Variants in USH1C observed in about 807,000 individuals in gnomAD.
USH1C encodes the protein harmonin.
Under a neutral mutation model 119.3 loss-of-function variants are expected in USH1C, and 90 were observed. That is an observed-to-expected ratio of 0.75 (90% confidence interval 0.64 to 0.90). The LOEUF (loss-of-function observed/expected upper bound fraction) is 0.90. Among genes scored for constraint, USH1C ranks in the 40% least tolerant of loss-of-function variants. The pLI is 0.00. For synonymous variants in USH1C, 465 were observed against 443.3 expected, an observed-to-expected ratio of 1.05 and a Z score of -0.62; for missense variants, 1,165 against 1,167.7, an observed-to-expected ratio of 1.00 and a Z score of 0.03.
At chr11:17,533,756 A>G in intron 1 of USH1C, 1 of 461,086 alleles carries the variant, frequency 2.2e-6, no homozygotes. Context: ...TGCTTTCAGG[A>G]AGGATTTGGG....
At chr11:17,514,282 A>C (rs1440050569) in intron 15 of USH1C, among the ~76,000 whole-genome samples, 3 of 152,190 alleles carry the variant, frequency 2.0e-5, no homozygotes, top group Non-Finnish European at 2.9e-5. Context: ...GCAGTGGTGC[A>C]ATCTCGGCTC....
intron 14 of USH1C, among the ~76,000 whole-genome samples, chr11:17,519,182 G>C (rs1850301893): frequency 6.6e-6 from 1 of 152,224 alleles, no homozygotes; most frequent in South Asian, 2.1e-4. Flanking sequence ...CTAGACCCCG[G>C]GGAACAGGGA....
At chr11:17,499,126 C>G (rs1591958032) in intron 23 of USH1C, among the ~76,000 whole-genome samples, 1 of 152,228 alleles carries the variant, frequency 6.6e-6, no homozygotes, top group African/African-American at 2.4e-5. Flanking sequence ...AAGAGGTAGA[C>G]AGATTGTGCG....
Position 17,516,272 on chromosome 11 carries a change from C to A in USH1C, c.1229G>T (p.Arg410Leu). The change falls in exon 15 of 27, where the codon CGT becomes CTT. Residue 410 changes from arginine to leucine, a missense_variant. Coordinates refer to ENST00000005226, the MANE Select transcript of USH1C (RefSeq NM_153676.4). ...GATGGTTGGGAATTTGCCATCGTAA[C>A]GATAAAACCATCCAAAAGCTATAAG... ...RKPKSFGWFY[R>L]YDGKFPTIRK... 2 of 1,613,406 alleles carry A rather than the reference C, an allele frequency of 1.2e-6. No homozygotes were observed. Among genetic ancestry groups the A allele is most frequent in the East Asian group, 2.2e-5 (1 of 44,882 alleles).
At chr11:17,538,069 G>A (rs557468040) in intron 1 of USH1C, among the ~76,000 whole-genome samples, 11 of 152,230 alleles carry the variant, frequency 7.2e-5, no homozygotes, top group African/African-American at 2.6e-4. Flanking sequence ...TTCTTTCTCC[G>A]ACTAGATTTA....
chr11:17,509,182 C>G (rs1481891327), intron 18 of USH1C, among the ~76,000 whole-genome samples, 174 bp downstream of exon 18: 1 of 152,176 alleles, frequency 6.6e-6, no homozygotes, highest in Non-Finnish European at 1.5e-5. Context: ...CAGTGAGAAC[C>G]ACCATATACA....
At chr11:17,543,360 T>C (rs1851551706) in intron 1 of USH1C, among the ~76,000 whole-genome samples, 1 of 152,242 alleles carries the variant, frequency 6.6e-6, no homozygotes, top group African/African-American at 2.4e-5. Flanking sequence ...ATAGTTAAGT[T>C]ATCAATAGTT....
At chr11:17,515,633 AT>A (rs1473809602) in intron 15 of USH1C, among the ~76,000 whole-genome samples, 3 of 152,238 alleles carry the variant, frequency 2.0e-5, no homozygotes, top group African/African-American at 7.2e-5. Flanking sequence ...TGTCAATGTG[AT>A]TTAGAAAGAT....
chr11:17,521,481 T>C, intron 12 of USH1C, 70 bp from the exon 13 acceptor site: 1 of 1,539,944 alleles, frequency 6.5e-7, no homozygotes, highest in Non-Finnish European at 9.0e-7. Context: ...TACTGTGAAT[T>C]CTTGATTTGG....
chr11:17,498,083 A>C (rs1591955896), intron 24 of USH1C, 79 bp downstream of exon 24: 1 of 1,328,684 alleles, frequency 7.5e-7, no homozygotes, highest in East Asian at 2.3e-5. Flanking sequence ...GAGGCATCCT[A>C]TTGTGAGACC....
At chr11:17,499,936 C>A (rs528146308) in intron 23 of USH1C, among the ~76,000 whole-genome samples, 7 of 152,328 alleles carry the variant, frequency 4.6e-5, no homozygotes, top group Non-Finnish European at 8.8e-5. Flanking sequence ...TAGGGTCCCC[C>A]ACTCTGGCCT....
chr11:17,527,368 G>A (rs1387237917), intron 4 of USH1C, 37 bp from the exon 5 acceptor site: 3 of 1,523,862 alleles, frequency 2.0e-6, no homozygotes, highest in Non-Finnish European at 2.7e-6. Flanking sequence ...ACCAGGTGGA[G>A]GGAGCATCAG....
At chr11:17,520,788 C>A (rs1850374625) in intron 14 of USH1C, 82 bp downstream of exon 14, 1 of 1,536,622 alleles carries the variant, frequency 6.5e-7, no homozygotes, top group South Asian at 1.1e-5. Context: ...GGCTATCCAT[C>A]TAGGAGGTGG....
chr11:17,532,623 G>A (rs1157924952), intron 2 of USH1C, among the ~76,000 whole-genome samples: 4 of 152,096 alleles, frequency 2.6e-5, no homozygotes, highest in Non-Finnish European at 5.9e-5. Context: ...ATCCTTCAAA[G>A]CCTTGCTCAA....
intron 8 of USH1C, among the ~76,000 whole-genome samples, chr11:17,525,501 T>C (rs1453660276): frequency 1.3e-5 from 2 of 152,194 alleles, no homozygotes; most frequent in African/African-American, 4.8e-5. Context: ...AACCACCCTG[T>C]GATGTGGGAA....
At chr11:17,527,098 G>T in intron 5 of USH1C, 58 bp from the exon 6 acceptor site, 1 of 607,466 alleles carries the variant, frequency 1.6e-6, no homozygotes, top group Non-Finnish European at 2.0e-6. Context: ...CCCTCCCACC[G>T]TCATGGAGTA....
chr11:17,516,089 A>G, intron 15 of USH1C, 152 bp downstream of exon 15: 1 of 884,526 alleles, frequency 1.1e-6, no homozygotes, highest in Non-Finnish European at 1.8e-6. Context: ...ATTTGATGTC[A>G]GCCTGACACA....
At chr11:17,533,876 G>A (rs1851112691) in intron 1 of USH1C, 2 of 396,850 alleles carry the variant, frequency 5.0e-6, no homozygotes, top group South Asian at 3.7e-5. Context: ...ACCTTAGCTG[G>A]GTTCTGTCCA....
At chr11:17,526,028 C>T (rs1850652113) in intron 8 of USH1C, among the ~76,000 whole-genome samples, 1 of 152,014 alleles carries the variant, frequency 6.6e-6, no homozygotes, top group South Asian at 2.1e-4. Context: ...TAACAAAACT[C>T]CATCTCTACA....
Sources: gnomAD v4.1 joint callset for allele counts (sites outside exome capture counted in the v4.1 genomes callset) on GRCh38, gnomAD v4.1.1 for gene constraint, MANE v1.5 for transcripts, NCBI Gene and HGNC (gene_info 2026-07-23, HGNC 2026-07-21) for gene names.